SLC7A11: variants seen among roughly 807,000 people sequenced by gnomAD.
SLC7A11 encodes solute carrier family 7 member 11.
Under a neutral mutation model 54.5 loss-of-function variants are expected in SLC7A11, and 35 were observed. That is an observed-to-expected ratio of 0.64 (90% CI 0.49 to 0.85). SLC7A11 has a LOEUF of 0.85. Among genes scored for constraint, SLC7A11 ranks in the 40% least tolerant of loss-of-function variants. The probability of loss-of-function intolerance (pLI) is 0.00; values close to 1 mark genes in which losing one functional copy is unlikely to be tolerated. For synonymous variants in SLC7A11, 230 were observed against 225.2 expected, an observed-to-expected ratio of 1.02 and a Z score of -0.19; for missense variants, 583 against 618.1, an observed-to-expected ratio of 0.94 and a Z score of 0.60.
At chr4:138,221,304 A>G (rs4450980) in intron 4 of SLC7A11, among the ~76,000 whole-genome samples, 50,912 of 152,052 alleles carry the variant, frequency 0.33, 9,240 homozygotes, top group East Asian at 0.47. Flanking sequence ...TATTCAAAGG[A>G]AAGTTCAACA....
rs1553940829 is a variant in SLC7A11, at chr4:138,170,271, TACACACACACAC to T, written c.*1673_*1684del. 1 of 86,212 alleles carries T rather than the reference TACACACACACAC, an allele frequency of 1.2e-5. No individual in the cohort carries two copies. The highest frequency in any genetic ancestry group is 4.2e-5 in the African/African-American group (1 of 23,754). 5.3% of individuals were successfully genotyped at this position (86,212 alleles called of 1,614,324 possible). A position where few individuals can be genotyped will look rare whatever the true frequency, so the allele number is the denominator to read the frequency against. On this transcript the variant is annotated 3_prime_UTR_variant, in exon 12 of 12. Coordinates refer to ENST00000280612, the MANE Select transcript of SLC7A11 (RefSeq NM_014331.4). ...GTGTGTATATATATATATATATATATACACACACACACACACACACACATACACACACATATA... is the reference window on the plus strand; with the variant it reads ...GTGTGTATATATATATATATATATATACACACACACATACACACACATATA...
chr4:138,232,384 T>A lies in SLC7A11; in HGVS notation c.405-2A>T. 1 of 1,518,586 alleles carries A rather than the reference T, an allele frequency of 6.6e-7. No individual in the cohort carries two copies. The highest frequency in any genetic ancestry group is 1.4e-5 in the African/African-American group (1 of 71,862). 94.1% of individuals were successfully genotyped at this position (1,518,586 alleles called of 1,614,324 possible). On this transcript the variant is annotated splice_acceptor_variant, in intron 2 of 11. Coordinates refer to ENST00000280612, the MANE Select transcript of SLC7A11 (RefSeq NM_014331.4). LOFTEE classifies it high-confidence loss of function. ...GATATCACAGCAGTAGCTGCAGGGCTAAAAAAAAATGTATATATTTAGGTT... is the reference window on the plus strand; with the variant it reads ...GATATCACAGCAGTAGCTGCAGGGCAAAAAAAAAATGTATATATTTAGGTT...
chr4:138,174,441 C>T (rs1736515605), intron 11 of SLC7A11: 1 of 152,178 alleles, frequency 6.6e-6, no homozygotes, highest in Non-Finnish European at 1.5e-5. Context: ...TCCAATGTGT[C>T]TTTCTTATGT....
chr4:138,171,804 A>T lies in SLC7A11; in HGVS notation c.*152T>A, dbSNP rs961435848. On this transcript the variant is annotated 3_prime_UTR_variant, in exon 12 of 12. Transcript: ENST00000280612. ...GTTATAACTAAATTTCTTAGAAATTAGTTCGAATATGCTAAAATATATGAA... is the reference window on the plus strand; with the variant it reads ...GTTATAACTAAATTTCTTAGAAATTTGTTCGAATATGCTAAAATATATGAA... 1 of 936,774 alleles carries T rather than the reference A, an allele frequency of 1.1e-6. No individual in the cohort carries two copies. Among genetic ancestry groups the T allele is most frequent in the Non-Finnish European group, 1.5e-6 (1 of 656,264 alleles). The allele number at this position is 936,774 out of a possible 1,614,324, so 58.0% of individuals were successfully genotyped here.
rs1560725933 is a variant in SLC7A11 at position 138,198,494 on chromosome 4, AACC to A, written c.792-13253_792-13251del. On this transcript the variant is annotated intron_variant, in intron 6 of 11. Coordinates refer to ENST00000280612, the MANE Select transcript of SLC7A11 (RefSeq NM_014331.4). ...TGGTGATCAAATGAATGCATTTTCA[AACC>A]ATGAGGTGTAATTTTTGCCTTTCAA... is the stretch of plus-strand genomic sequence containing the variant. Among the ~76,000 whole-genome samples, 4 of 152,212 alleles carry A rather than the reference AACC, an allele frequency of 2.6e-5. No individual in the cohort carries two copies. In the South Asian group the frequency reaches 8.3e-4, roughly 31 times the overall value.
chr4:138,239,754 C>T (rs1738333691), intron 1 of SLC7A11, among the ~76,000 whole-genome samples: 1 of 152,154 alleles, frequency 6.6e-6, no homozygotes, highest in Admixed American at 6.6e-5. Flanking sequence ...AGTCAACACA[C>T]TTTAACTAGT....
chr4:138,181,570 CAAATT>C (rs1344260693), intron 9 of SLC7A11, among the ~76,000 whole-genome samples: 1 of 151,878 alleles, frequency 6.6e-6, no homozygotes, highest in Admixed American at 6.6e-5. Context: ...CGTTCTGAAA[CAAATT>C]AAATGCATGA....
At chr4:138,201,256 C>T (rs1239835126) in intron 6 of SLC7A11, among the ~76,000 whole-genome samples, 3 of 152,030 alleles carry the variant, frequency 2.0e-5, no homozygotes. Context: ...TATTGTACAG[C>T]TTGATATATA....
intron 3 of SLC7A11, among the ~76,000 whole-genome samples, chr4:138,226,030 G>A (rs1033679347): frequency 7.2e-5 from 11 of 152,000 alleles, no homozygotes; most frequent in African/African-American, 2.7e-4. Context: ...AATGTCTATT[G>A]AAATATTAAA....
chr4:138,172,656 G>A (rs1034796732), intron 11 of SLC7A11, among the ~76,000 whole-genome samples: 9 of 152,120 alleles, frequency 5.9e-5, no homozygotes, highest in African/African-American at 2.2e-4. Flanking sequence ...CTGTAATTCT[G>A]ATAGACACAA....
intron 6 of SLC7A11, among the ~76,000 whole-genome samples, chr4:138,204,685 G>A (rs938677339): frequency 7.3e-5 from 11 of 151,578 alleles, no homozygotes; most frequent in Non-Finnish European, 1.6e-4. Context: ...AGCCAACAGT[G>A]ACGATGACAA....
At chr4:138,216,677 C>T (rs1737689226) in intron 5 of SLC7A11, among the ~76,000 whole-genome samples, 1 of 152,150 alleles carries the variant, frequency 6.6e-6, no homozygotes, top group South Asian at 2.1e-4. Flanking sequence ...TATCTTTTTC[C>T]TTGCTAGCAG....
rs1356059261 is a variant in SLC7A11 at position 138,201,270 on chromosome 4, C to G, written c.791+13315G>C. Among the ~76,000 whole-genome samples, 7 of 152,138 alleles carry G rather than the reference C, an allele frequency of 4.6e-5. No individual in the cohort carries two copies. In the East Asian group the frequency reaches 9.7e-4, roughly 21 times the overall value. On this transcript the variant is annotated intron_variant, in intron 6 of 11. Coordinates refer to ENST00000280612, the MANE Select transcript of SLC7A11 (RefSeq NM_014331.4). ...GTATTGTACAGCTTGATATATAAAA[C>G]AGTGGCCTTTGTATTTGATCACTGC...
At chr4:138,211,742 A>G (rs1737554538) in intron 6 of SLC7A11, among the ~76,000 whole-genome samples, 2 of 151,956 alleles carry the variant, frequency 1.3e-5, no homozygotes, top group South Asian at 2.1e-4. Context: ...AGCAACATAG[A>G]TTAACCTGGA....
chr4:138,241,341 C>T (rs1738371778), intron 1 of SLC7A11, among the ~76,000 whole-genome samples: 1 of 152,134 alleles, frequency 6.6e-6, no homozygotes, highest in Non-Finnish European at 1.5e-5. Flanking sequence ...ATTTGTTTGG[C>T]TAATAAAAAG....
chr4:138,220,573 A>G (rs1737788387), intron 4 of SLC7A11, among the ~76,000 whole-genome samples: 1 of 152,202 alleles, frequency 6.6e-6, no homozygotes, highest in South Asian at 2.1e-4. Flanking sequence ...TATTTTATGA[A>G]TCACATTGGA....
intron 6 of SLC7A11, among the ~76,000 whole-genome samples, chr4:138,208,683 T>G (rs575540864): frequency 9.5e-4 from 144 of 152,184 alleles, no homozygotes; most frequent in African/African-American, 3.3e-3. Context: ...TGGGATTCTA[T>G]CATCTTCATG....
At position 138,242,324 on chromosome 4, in the gene SLC7A11, C is replaced by T. The variant is rs965515808; in HGVS notation, c.-255G>A. Reference sequence around the variant, plus strand: ...CGTTCCACCACTGCTGCTGCTGCTGCTGCTGCCGCCCTATCATTACAAACC... The same window carrying T: ...CGTTCCACCACTGCTGCTGCTGCTGTTGCTGCCGCCCTATCATTACAAACC... On this transcript the variant is annotated 5_prime_UTR_variant, in exon 1 of 12. Coordinates refer to ENST00000280612, the MANE Select transcript of SLC7A11 (RefSeq NM_014331.4). 3.6e-5 allele frequency: 19 copies of T among 524,750 alleles called. No individual in the cohort carries two copies. The highest frequency in any genetic ancestry group is 5.8e-5 in the Non-Finnish European group (17 of 291,960). 32.5% of individuals were successfully genotyped at this position (524,750 alleles called of 1,614,324 possible).
At position 138,170,554 on chromosome 4, in the gene SLC7A11, G is replaced by T. The variant is rs1736401419; in HGVS notation, c.*1402C>A. 6.6e-6 allele frequency: 1 copy of T among 151,658 alleles called. No homozygotes were observed. The highest frequency in any genetic ancestry group is 2.4e-5 in the African/African-American group (1 of 41,226). The allele number at this position is 151,658 out of a possible 1,614,324, so 9.4% of individuals were successfully genotyped here. ...TGGTCTAGAACTCCCGACCTCAGGT[G>T]ATCCACCCCCTCAGCCTCCCAAAGT... On this transcript the variant is annotated 3_prime_UTR_variant, in exon 12 of 12. Coordinates refer to ENST00000280612, the MANE Select transcript of SLC7A11 (RefSeq NM_014331.4).
Sources: gnomAD v4.1 joint callset for allele counts (sites outside exome capture counted in the v4.1 genomes callset) on GRCh38, gnomAD v4.1.1 for gene constraint, MANE v1.5 for transcripts, NCBI Gene and HGNC (gene_info 2026-07-23, HGNC 2026-07-21) for gene names.